The following ANO3 variants were observed in gnomAD, a reference collection of about 807,000 sequenced individuals.
ANO3 encodes the protein anoctamin-3.
In ANO3, 99 loss-of-function variants were observed where a neutral mutation model predicts 144.8. That is an observed-to-expected ratio of 0.68 (90% CI 0.58 to 0.81). The LOEUF is 0.81. Ranked by LOEUF, ANO3 falls within the 30% of genes least tolerant of loss-of-function variation. The probability of loss-of-function intolerance (pLI) is 0.00; values close to 1 mark genes in which losing one functional copy is unlikely to be tolerated. For missense variants in ANO3, 905 were observed against 1,202.2 expected, an observed-to-expected ratio of 0.75 and a Z score of 3.66; for synonymous variants, 414 against 392.6, an observed-to-expected ratio of 1.05 and a Z score of -0.64.
chr11:26,404,265 CT>C (rs1372720335), intron 1 of ANO3, among the ~76,000 whole-genome samples: 2 of 151,780 alleles, frequency 1.3e-5, no homozygotes, highest in Non-Finnish European at 2.9e-5. Flanking sequence ...TCATAAAACT[CT>C]ATTTAGGTCA....
At chr11:26,437,996 TA>T (rs1339304909) in intron 1 of ANO3, among the ~76,000 whole-genome samples, 1 of 152,086 alleles carries the variant, frequency 6.6e-6, no homozygotes, top group Non-Finnish European at 1.5e-5. Flanking sequence ...AGCTAAGGAA[TA>T]AAATTATATA....
intron 17 of ANO3, among the ~76,000 whole-genome samples, chr11:26,617,025 C>T (rs1401701525): frequency 1.3e-5 from 2 of 152,198 alleles, no homozygotes; most frequent in Non-Finnish European, 2.9e-5. Flanking sequence ...CCTGCCTCAG[C>T]CTTCCAAAGT....
At chr11:26,382,596 G>C (rs1376009427) in intron 1 of ANO3, among the ~76,000 whole-genome samples, 1 of 152,080 alleles carries the variant, frequency 6.6e-6, no homozygotes, top group African/African-American at 2.4e-5. Context: ...GTCCCCAAAT[G>C]TTCCTCTACT....
intron 1 of ANO3, among the ~76,000 whole-genome samples, chr11:26,350,405 T>A (rs561148342): frequency 3.3e-5 from 5 of 152,194 alleles, no homozygotes; most frequent in Non-Finnish European, 7.3e-5. Context: ...ATGATCTATA[T>A]TTTTGTTTTC....
chr11:26,517,160 T>C (rs1425391960), intron 6 of ANO3, among the ~76,000 whole-genome samples: 1 of 151,822 alleles, frequency 6.6e-6, no homozygotes, highest in African/African-American at 2.4e-5. Context: ...AGTGGGAGAG[T>C]AAAACAGTTA....
At chr11:26,212,366 G>A (rs1397328692) in intron 1 of ANO3, among the ~76,000 whole-genome samples, 1 of 148,614 alleles carries the variant, frequency 6.7e-6, no homozygotes, top group African/African-American at 2.5e-5. Flanking sequence ...TTTTTTCAAA[G>A]ATTAACAAAA....
At chr11:26,651,484 T>A in intron 24 of ANO3, among the ~76,000 whole-genome samples, 1 of 152,164 alleles carries the variant, frequency 6.6e-6, no homozygotes. Flanking sequence ...AACCTAGCCG[T>A]CTTCTGTTAA....
intron 8 of ANO3, among the ~76,000 whole-genome samples, chr11:26,532,063 G>A (rs1043318988): frequency 2.5e-4 from 38 of 152,194 alleles, no homozygotes; most frequent in Admixed American, 2.3e-3. Context: ...TAGGGCCTAC[G>A]TTGCTATAGG....
At chr11:26,492,775 C>T (rs1308095588) in intron 4 of ANO3, among the ~76,000 whole-genome samples, 3 of 152,190 alleles carry the variant, frequency 2.0e-5, no homozygotes, top group East Asian at 3.9e-4. Context: ...TTAGTGAGTA[C>T]TTAATTTTAT....
intron 1 of ANO3, among the ~76,000 whole-genome samples, chr11:26,390,164 G>A (rs1856837494): frequency 6.6e-6 from 1 of 152,120 alleles, no homozygotes; most frequent in Non-Finnish European, 1.5e-5. Flanking sequence ...AGTGTGTGAA[G>A]CTCTTGGAGT....
intron 14 of ANO3, among the ~76,000 whole-genome samples, chr11:26,593,749 C>T (rs1216678148): frequency 6.6e-6 from 1 of 152,048 alleles, no homozygotes; most frequent in Admixed American, 6.5e-5. Context: ...CCGTGTAGGC[C>T]GCAGTGGAAG....
At chr11:26,429,407 C>G (rs1220876025) in intron 1 of ANO3, among the ~76,000 whole-genome samples, 1 of 146,260 alleles carries the variant, frequency 6.8e-6, no homozygotes, top group Non-Finnish European at 1.5e-5. Flanking sequence ...AAAATATATT[C>G]ATATAAAGAT....
At chr11:26,408,153 A>C (rs187494093) in intron 1 of ANO3, among the ~76,000 whole-genome samples, 8,376 of 152,098 alleles carry the variant, frequency 0.055, 268 homozygotes, top group African/African-American at 0.09. Context: ...GAGCTTCTGC[A>C]CAGCAAAAGA....
At chr11:26,543,023 G>A (rs1224204703) in intron 11 of ANO3, among the ~76,000 whole-genome samples, 1 of 152,072 alleles carries the variant, frequency 6.6e-6, no homozygotes, top group African/African-American at 2.4e-5. Flanking sequence ...AGAAGCATAA[G>A]CCAGGGTCAA....
intron 9 of ANO3, among the ~76,000 whole-genome samples, chr11:26,535,194 T>C (rs578240704): frequency 7.2e-5 from 11 of 152,296 alleles, no homozygotes; most frequent in Non-Finnish European, 1.5e-4. Flanking sequence ...GAAGAATATG[T>C]AAGAAACTTT....
At chr11:26,565,355 A>G in intron 14 of ANO3, 1 of 1,612,852 alleles carries the variant, frequency 6.2e-7, no homozygotes, top group Non-Finnish European at 8.5e-7. Context: ...AGAGGATGCT[A>G]ACTGTAATGG....
chr11:26,608,588 C>A (rs994255547), intron 17 of ANO3, among the ~76,000 whole-genome samples: 2 of 152,146 alleles, frequency 1.3e-5, no homozygotes, highest in South Asian at 4.1e-4. Flanking sequence ...CCACCCCTGT[C>A]CCTGGGGACC....
At chr11:26,442,649 T>C (rs1023180938) in intron 2 of ANO3, among the ~76,000 whole-genome samples, 9 of 152,160 alleles carry the variant, frequency 5.9e-5, no homozygotes, top group Admixed American at 2.0e-4. Context: ...CCTTAGGCAC[T>C]CTTCTACACA....
At chr11:26,197,629 G>T (rs1851616047) in intron 1 of ANO3, among the ~76,000 whole-genome samples, 1 of 152,070 alleles carries the variant, frequency 6.6e-6, no homozygotes, top group African/African-American at 2.4e-5. Flanking sequence ...GGGATTAAAG[G>T]TGTGAGCCAC....
Sources: allele counts gnomAD v4.1 joint callset (sites outside exome capture counted in the v4.1 genomes callset), GRCh38; gene constraint gnomAD v4.1.1; transcripts MANE v1.5; gene names NCBI Gene and HGNC (gene_info 2026-07-23, HGNC 2026-07-21).